CNTNAP4: variants seen among roughly 807,000 people sequenced by gnomAD.
The protein encoded by CNTNAP4 is contactin-associated protein-like 4.
Under a neutral mutation model 148.4 loss-of-function variants are expected in CNTNAP4, and 98 were observed. The ratio of observed to expected loss-of-function variants is 0.66; its 90% CI spans 0.56 to 0.78. The LOEUF (loss-of-function observed/expected upper bound fraction) is 0.78, where lower values mean the gene tolerates loss of function less well. Among genes scored for constraint, CNTNAP4 ranks in the 30% least tolerant of loss-of-function variants. The pLI is 0.00. For synonymous variants in CNTNAP4, 730 were observed against 565.1 expected, an observed-to-expected ratio of 1.29 and a Z score of -4.14; for missense variants, 1,935 against 1,565.6, an observed-to-expected ratio of 1.24 and a Z score of -3.98.
intron 4 of CNTNAP4, among the ~76,000 whole-genome samples, chr16:76,440,267 T>A (rs1245362633): frequency 6.6e-6 from 1 of 152,140 alleles, no homozygotes; most frequent in Non-Finnish European, 1.5e-5. Flanking sequence ...TCTTTTTCAA[T>A]CACTCTTTCA....
chr16:76,366,002 T>C (rs1452015213), intron 3 of CNTNAP4, among the ~76,000 whole-genome samples: 2 of 152,292 alleles, frequency 1.3e-5, no homozygotes, highest in East Asian at 1.9e-4. Context: ...ATATATATTC[T>C]GAAGCTACTC....
At chr16:76,298,327 G>C (rs1478303437) in intron 1 of CNTNAP4, among the ~76,000 whole-genome samples, 1 of 152,098 alleles carries the variant, frequency 6.6e-6, no homozygotes, top group Non-Finnish European at 1.5e-5. Flanking sequence ...AATGCAATAA[G>C]CAAAATGTAA....
intron 2 of CNTNAP4, among the ~76,000 whole-genome samples, chr16:76,339,549 T>C (rs368550798): frequency 6.6e-6 from 1 of 152,342 alleles, no homozygotes; most frequent in East Asian, 1.9e-4. Context: ...ATCAAAACTA[T>C]TTCTTAGAAA....
chr16:76,334,956 T>C (rs1238310005), intron 2 of CNTNAP4, among the ~76,000 whole-genome samples: 1 of 152,078 alleles, frequency 6.6e-6, no homozygotes, highest in Non-Finnish European at 1.5e-5. Flanking sequence ...TGAATTTTTC[T>C]AGTATTTGTG....
chr16:76,289,797 C>T (rs1959039581), intron 1 of CNTNAP4, among the ~76,000 whole-genome samples: 2 of 152,068 alleles, frequency 1.3e-5, no homozygotes, highest in South Asian at 4.1e-4. Context: ...TCTTGAACTG[C>T]TGGACTCAAG....
intron 3 of CNTNAP4, among the ~76,000 whole-genome samples, chr16:76,359,855 CACTT>C (rs761462357): frequency 3.9e-5 from 6 of 152,292 alleles, no homozygotes; most frequent in Non-Finnish European, 7.4e-5. Context: ...AATTTTCACT[CACTT>C]AAGAACAATT....
At chr16:76,331,446 C>G (rs1403692678) in intron 2 of CNTNAP4, among the ~76,000 whole-genome samples, 1 of 151,198 alleles carries the variant, frequency 6.6e-6, no homozygotes, top group Non-Finnish European at 1.5e-5. Context: ...CCTCAGCATC[C>G]CAAAGTGCTG....
intron 3 of CNTNAP4, among the ~76,000 whole-genome samples, chr16:76,415,819 T>C (rs2078953735): frequency 6.6e-6 from 1 of 151,328 alleles, no homozygotes; most frequent in Non-Finnish European, 1.5e-5. Flanking sequence ...CACTTTTATA[T>C]CTGGCATTTT....
At position 76,343,809 on chromosome 16, in the gene CNTNAP4, A is replaced by G. The variant is rs150221125; in HGVS notation, c.197-11509A>G. On this transcript the variant is annotated intron_variant, in intron 2 of 23. Transcript: ENST00000611870. Reference sequence around the variant, plus strand: ...TGTAATAATCAAGAATAAGGCAAACAAATCTAAATGTGTTAGTCCCCGGCA... The same window carrying G: ...TGTAATAATCAAGAATAAGGCAAACGAATCTAAATGTGTTAGTCCCCGGCA... 3.3e-5 allele frequency among the ~76,000 whole-genome samples: 5 copies of G among 152,286 alleles called. No homozygotes were observed. In the East Asian group the frequency reaches 7.7e-4, roughly 23 times the overall value.
At chr16:76,501,842 G>A (rs1185437116) in intron 15 of CNTNAP4, among the ~76,000 whole-genome samples, 5 of 152,068 alleles carry the variant, frequency 3.3e-5, no homozygotes, top group Non-Finnish European at 4.4e-5. Flanking sequence ...AGGCCGAGGC[G>A]GGCGGATCAC....
chr16:76,335,801 C>T (rs1051253651), intron 2 of CNTNAP4, among the ~76,000 whole-genome samples: 3 of 152,098 alleles, frequency 2.0e-5, no homozygotes, highest in African/African-American at 4.8e-5. Flanking sequence ...CTGGGGGTGC[C>T]GAGAAGCACA....
At chr16:76,419,571 G>C (rs2079108592) in intron 3 of CNTNAP4, among the ~76,000 whole-genome samples, 1 of 151,972 alleles carries the variant, frequency 6.6e-6, no homozygotes, top group Non-Finnish European at 1.5e-5. Context: ...AAGTTTTCCT[G>C]TCAGTTTCTG....
chr16:76,329,498 T>C (rs1267188039), intron 2 of CNTNAP4, among the ~76,000 whole-genome samples: 1 of 152,246 alleles, frequency 6.6e-6, no homozygotes, highest in Admixed American at 6.5e-5. Context: ...CAAAGGCTAC[T>C]CTATAGATGT....
chr16:76,491,510 C>T (rs1346965357), intron 13 of CNTNAP4, among the ~76,000 whole-genome samples: 2 of 152,212 alleles, frequency 1.3e-5, no homozygotes, highest in Admixed American at 1.3e-4. Context: ...ATGAGCCCCC[C>T]TCATTTCCAG....
At chr16:76,541,053 A>G (rs2084431942) in intron 21 of CNTNAP4, among the ~76,000 whole-genome samples, 1 of 152,220 alleles carries the variant, frequency 6.6e-6, no homozygotes, top group Admixed American at 6.5e-5. Flanking sequence ...GAAATATGGT[A>G]TTATTCTCAC....
At chr16:76,294,997 T>C (rs1959199592) in intron 1 of CNTNAP4, among the ~76,000 whole-genome samples, 1 of 152,192 alleles carries the variant, frequency 6.6e-6, no homozygotes, top group Non-Finnish European at 1.5e-5. Context: ...GCCGGTGTTC[T>C]TACAGGCAAT....
chr16:76,465,346 T>C (rs2081136922), intron 9 of CNTNAP4, among the ~76,000 whole-genome samples: 1 of 152,230 alleles, frequency 6.6e-6, no homozygotes, highest in African/African-American at 2.4e-5. Flanking sequence ...TAACCTGGGT[T>C]GAACCCCTCT....
intron 9 of CNTNAP4, among the ~76,000 whole-genome samples, chr16:76,464,383 C>T (rs970850301): frequency 5.9e-5 from 9 of 152,142 alleles, no homozygotes; most frequent in African/African-American, 1.7e-4. Context: ...GGGTGATCAA[C>T]TCTTGCCAAC....
chr16:76,485,538 T>C (rs2081997957), intron 12 of CNTNAP4, among the ~76,000 whole-genome samples: 1 of 152,218 alleles, frequency 6.6e-6, no homozygotes, highest in Non-Finnish European at 1.5e-5. Context: ...ACAGAGACTT[T>C]CAAGTTTTTC....
Sources: gnomAD v4.1 joint callset for allele counts (sites outside exome capture counted in the v4.1 genomes callset) on GRCh38, gnomAD v4.1.1 for gene constraint, MANE v1.5 for transcripts, NCBI Gene and HGNC (gene_info 2026-07-23, HGNC 2026-07-21) for gene names.